RBFOX1: variants seen among roughly 807,000 people sequenced by gnomAD.
RBFOX1 encodes the protein RNA binding fox-1 homolog 1.
Under a neutral mutation model 57.7 loss-of-function variants are expected in RBFOX1, and 8 were observed. That is an observed-to-expected ratio of 0.14 (90% CI 0.08 to 0.25). The LOEUF is 0.25. Among genes scored for constraint, RBFOX1 ranks in the 10% least tolerant of loss-of-function variants. The probability of loss-of-function intolerance (pLI) is 1.00; values close to 1 mark genes in which losing one functional copy is unlikely to be tolerated. For missense variants in RBFOX1, 611 were observed against 548.5 expected (o/e 1.11, Z -1.14); for synonymous variants, 326 against 222.4 (o/e 1.47, Z -4.15).
At chr16:6,876,683 C>T (rs985480907) in intron 3 of RBFOX1, among the ~76,000 whole-genome samples, 1 of 151,942 alleles carries the variant, frequency 6.6e-6, no homozygotes, top group Admixed American at 6.6e-5. Flanking sequence ...TTAATCTTGG[C>T]TGGAACCAAA....
chr16:6,805,975 T>TA (rs2154261792), intron 3 of RBFOX1, among the ~76,000 whole-genome samples: 1 of 152,342 alleles, frequency 6.6e-6, no homozygotes, highest in African/African-American at 2.4e-5. Flanking sequence ...AAGGAGGAGT[T>TA]ACCTTTTGTG....
chr16:7,063,471 C>G (rs998128175), intron 4 of RBFOX1, among the ~76,000 whole-genome samples: 1 of 152,112 alleles, frequency 6.6e-6, no homozygotes, highest in African/African-American at 2.4e-5. Context: ...ATAACAAGTG[C>G]CATTTCCTCA....
At chr16:5,872,887 T>C (rs958523271) in intron 4 of RBFOX1, among the ~76,000 whole-genome samples, 9 of 152,170 alleles carry the variant, frequency 5.9e-5, no homozygotes, top group Admixed American at 2.0e-4. Flanking sequence ...GTGTGGTGGC[T>C]CATGCCTGTA....
chr16:7,372,268 T>C (rs2097580647), intron 4 of RBFOX1, among the ~76,000 whole-genome samples: 2 of 152,188 alleles, frequency 1.3e-5, no homozygotes, highest in Admixed American at 6.5e-5. Flanking sequence ...AACCACTTCA[T>C]ACTTCAGATC....
intron 3 of RBFOX1, among the ~76,000 whole-genome samples, chr16:6,940,312 G>C (rs574067151): frequency 7.9e-5 from 12 of 152,306 alleles, no homozygotes; most frequent in African/African-American, 2.6e-4. Context: ...GAGTTGCTCT[G>C]ACCAAGCTAG....
chr16:6,462,260 A>C (rs1321212160), intron 2 of RBFOX1, among the ~76,000 whole-genome samples: 3 of 152,134 alleles, frequency 2.0e-5, no homozygotes, highest in African/African-American at 7.2e-5. Flanking sequence ...CAGAATTTCC[A>C]TTGACAGCCT....
At chr16:5,346,182 A>C (rs961655119) in intron 1 of RBFOX1, among the ~76,000 whole-genome samples, 2 of 152,094 alleles carry the variant, frequency 1.3e-5, no homozygotes, top group African/African-American at 4.8e-5. Flanking sequence ...TTTCGATCCT[A>C]CAGCGGACCC....
At chr16:5,724,516 C>A (rs1046626044) in intron 3 of RBFOX1, among the ~76,000 whole-genome samples, 2 of 152,130 alleles carry the variant, frequency 1.3e-5, no homozygotes, top group African/African-American at 2.4e-5. Context: ...GGACCCATTA[C>A]CTACCCACTG....
chr16:6,554,205 C>G (rs925744951), intron 2 of RBFOX1, among the ~76,000 whole-genome samples: 14 of 152,230 alleles, frequency 9.2e-5, no homozygotes, highest in South Asian at 2.1e-4. Context: ...AATAACATCC[C>G]TTTATTTCCC....
chr16:5,360,707 G>C (rs931937643), intron 1 of RBFOX1, among the ~76,000 whole-genome samples: 2 of 152,200 alleles, frequency 1.3e-5, no homozygotes, highest in Non-Finnish European at 2.9e-5. Flanking sequence ...AAACTGGCAG[G>C]GTTGAAGGAA....
intron 3 of RBFOX1, among the ~76,000 whole-genome samples, chr16:5,655,580 A>G (rs1026362706): frequency 2.0e-5 from 3 of 152,148 alleles, no homozygotes; most frequent in Non-Finnish European, 2.9e-5. Flanking sequence ...TGCAAAGGGA[A>G]TGATTGGGTG....
intron 3 of RBFOX1, among the ~76,000 whole-genome samples, chr16:6,728,689 T>C (rs12921288): frequency 0.2 from 30,887 of 152,046 alleles, 3,364 homozygotes; most frequent in East Asian, 0.42. Flanking sequence ...AATTGGGTTT[T>C]CATGACAGTC....
intron 3 of RBFOX1, among the ~76,000 whole-genome samples, chr16:5,706,586 TG>T (rs1299346800): frequency 6.6e-6 from 1 of 152,224 alleles, no homozygotes; most frequent in Non-Finnish European, 1.5e-5. Context: ...TGTACAGGAA[TG>T]TTTGGCTTTT....
intron 2 of RBFOX1, among the ~76,000 whole-genome samples, chr16:5,536,788 A>G (rs576840156): frequency 1.1e-4 from 17 of 152,020 alleles, no homozygotes; most frequent in African/African-American, 3.9e-4. Context: ...TGTGGGGGAA[A>G]ACAGGAATTA....
chr16:7,312,813 G>C (rs1463083669), intron 4 of RBFOX1, among the ~76,000 whole-genome samples: 2 of 152,108 alleles, frequency 1.3e-5, no homozygotes, highest in Non-Finnish European at 2.9e-5. Context: ...CAGAGACTTG[G>C]GCACACGTTG....
intron 5 of RBFOX1, among the ~76,000 whole-genome samples, chr16:7,548,458 G>A (rs567856063): frequency 5.3e-5 from 8 of 152,214 alleles, no homozygotes; most frequent in East Asian, 1.9e-4. Context: ...GCCTGGCCTC[G>A]TATTAGTTGT....
At position 7,410,830 on chromosome 16, in the gene RBFOX1, C is replaced by CGTGT. The variant is rs56755477; in HGVS notation, c.28-107282_28-107279dup. On this transcript the variant is annotated intron_variant, in intron 4 of 15. Coordinates refer to ENST00000550418, the MANE Select transcript of RBFOX1 (RefSeq NM_018723.4). ...CAGGCTTGAGGATCATGAGTTTTCA[C>CGTGT]GTGTGTGTGTGTGTGTGTGTGTGTG... Among the ~76,000 whole-genome samples, 1,284 of 150,410 alleles carry CGTGT rather than the reference C, an allele frequency of 8.5e-3. 23 individuals are homozygous for CGTGT. Among genetic ancestry groups the CGTGT allele is most frequent in the African/African-American group, 0.028 (1,131 of 40,710 alleles).
At chr16:6,670,326 T>C (rs1335427756) in intron 3 of RBFOX1, among the ~76,000 whole-genome samples, 3 of 152,112 alleles carry the variant, frequency 2.0e-5, no homozygotes, top group Admixed American at 2.0e-4. Flanking sequence ...CATCTTGGTC[T>C]CCCAAAATGC....
intron 3 of RBFOX1, among the ~76,000 whole-genome samples, chr16:5,821,937 A>G (rs189183900): frequency 4.3e-4 from 65 of 152,320 alleles, no homozygotes; most frequent in Admixed American, 7.8e-4. Context: ...ACTTACTAAT[A>G]ATGTTGCATT....
Sources: gnomAD v4.1 joint callset for allele counts (sites outside exome capture counted in the v4.1 genomes callset) on GRCh38, gnomAD v4.1.1 for gene constraint, MANE v1.5 for transcripts, NCBI Gene and HGNC (gene_info 2026-07-23, HGNC 2026-07-21) for gene names.